Variants in FGGY observed in about 807,000 individuals in gnomAD.
The protein encoded by FGGY is FGGY carbohydrate kinase domain containing.
Under a neutral mutation model 71.3 loss-of-function variants are expected in FGGY, and 72 were observed. The ratio of observed to expected loss-of-function variants is 1.01; its 90% CI spans 0.84 to 1.23. The LOEUF is 1.23. FGGY is among the 50% of genes most tolerant of loss of function. The pLI is 0.00. For synonymous variants in FGGY, 251 were observed against 250.3 expected (o/e 1.00, Z -0.02); for missense variants, 668 against 682.3 (o/e 0.98, Z 0.23).
chr1:59,502,188 C>T (rs1423814385), intron 6 of FGGY, among the ~76,000 whole-genome samples: 1 of 152,340 alleles, frequency 6.6e-6, no homozygotes, highest in African/African-American at 2.4e-5. Flanking sequence ...CACCCCCTAA[C>T]CTGAACTCCC....
chr1:59,374,978 G>T (rs954923511), intron 4 of FGGY, among the ~76,000 whole-genome samples: 1 of 151,258 alleles, frequency 6.6e-6, no homozygotes, highest in African/African-American at 2.4e-5. Context: ...TGACGAGTTA[G>T]TGGGTGCAGC....
At chr1:59,317,712 G>C (rs1176332467) in intron 1 of FGGY, among the ~76,000 whole-genome samples, 1 of 152,140 alleles carries the variant, frequency 6.6e-6, no homozygotes, top group East Asian at 1.9e-4. Flanking sequence ...TCAGGTTCCA[G>C]GTATGGAAAT....
chr1:59,646,171 G>T (rs553011476), intron 11 of FGGY, among the ~76,000 whole-genome samples: 5 of 152,304 alleles, frequency 3.3e-5, no homozygotes, highest in African/African-American at 4.8e-5. Context: ...TGGCTTTTCC[G>T]ATAGGGAGAT....
At position 59,401,715 on chromosome 1, in the gene FGGY, C is replaced by T. The variant is rs56073125; in HGVS notation, c.554+22878C>T. ...TTGTAAGCCACTCAACAAGTATTGG[C>T]CAGTTAAACTAATGAATTCCCTCAA... On this transcript the variant is annotated intron_variant, in intron 5 of 15. Coordinates refer to ENST00000303721, the MANE Select transcript of FGGY (RefSeq NM_018291.5). Among the ~76,000 whole-genome samples the T allele has an allele frequency of 2.7e-3, 415 of 152,256 alleles. 1 individual carries two copies. The highest frequency in any genetic ancestry group is 9.7e-3 in the African/African-American group (402 of 41,550).
intron 14 of FGGY, among the ~76,000 whole-genome samples, chr1:59,683,426 C>G (rs569046205): frequency 6.6e-6 from 1 of 152,278 alleles, no homozygotes; most frequent in East Asian, 1.9e-4. Context: ...AGACCTATGA[C>G]TATGTTCTGT....
chr1:59,606,207 T>C (rs1273480983), intron 8 of FGGY, among the ~76,000 whole-genome samples: 1 of 152,218 alleles, frequency 6.6e-6, no homozygotes, highest in Non-Finnish European at 1.5e-5. Context: ...AGCACCTCTC[T>C]TACCCACATG....
At chr1:59,397,172 T>C (rs1333445284) in intron 5 of FGGY, among the ~76,000 whole-genome samples, 1 of 152,152 alleles carries the variant, frequency 6.6e-6, no homozygotes, top group African/African-American at 2.4e-5. Flanking sequence ...GATGCAACTG[T>C]CAGAGATACA....
intron 7 of FGGY, among the ~76,000 whole-genome samples, chr1:59,519,433 T>A (rs1158229486): frequency 6.6e-6 from 1 of 152,162 alleles, no homozygotes; most frequent in Non-Finnish European, 1.5e-5. Context: ...ATGGAAGGCT[T>A]TGGAAAAACA....
In FGGY at chr1:59,554,063, C is replaced by T. The variant is rs2095648163; in HGVS notation, c.800-61C>T. On this transcript the variant is annotated intron_variant, in intron 7 of 15. Transcript: ENST00000303721. ...AAGATTTGTTAATGCTTGTTTTTAG[C>T]TTTCTCTCCCTCTTTTTTTATGTGT... 3 of 1,307,268 alleles carry T rather than the reference C, an allele frequency of 2.3e-6. No homozygotes were observed. In the South Asian group the frequency reaches 4.0e-5, roughly 17 times the overall value. 81.0% of individuals were successfully genotyped at this position (1,307,268 alleles called of 1,614,324 possible).
Position 59,699,746 on chromosome 1 carries a change from C to T in FGGY, c.1512+25613C>T, listed in dbSNP as rs111817685. ...CATATTTATTAACATGTTTAATTCT[C>T]GTTCTTATTTGCAACAGTTTGCCTG... On this transcript the variant is annotated intron_variant, in intron 14 of 15. Coordinates refer to ENST00000303721, the MANE Select transcript of FGGY (RefSeq NM_018291.5). Among the ~76,000 whole-genome samples, 234 of 152,318 alleles carry T rather than the reference C, an allele frequency of 1.5e-3. 1 individual carries two copies. Among genetic ancestry groups the T allele is most frequent in the African/African-American group, 5.4e-3 (224 of 41,574 alleles).
intron 5 of FGGY, among the ~76,000 whole-genome samples, chr1:59,450,705 A>G (rs778610300): frequency 1.3e-5 from 2 of 152,094 alleles, no homozygotes; most frequent in African/African-American, 4.8e-5. Flanking sequence ...CTCTTGTTTC[A>G]TATATTTCAT....
chr1:59,534,868 T>A (rs1265322612), intron 7 of FGGY, among the ~76,000 whole-genome samples: 1 of 152,092 alleles, frequency 6.6e-6, no homozygotes, highest in African/African-American at 2.4e-5. Flanking sequence ...TACCAGCCAC[T>A]GCAAAATCAT....
At chr1:59,388,696 T>A (rs940158338) in intron 5 of FGGY, among the ~76,000 whole-genome samples, 23 of 152,294 alleles carry the variant, frequency 1.5e-4, no homozygotes, top group African/African-American at 5.5e-4. Context: ...ATAATTCACA[T>A]ACTATATGAT....
At position 59,625,836 on chromosome 1, in the gene FGGY, G is replaced by T. The variant is rs568237662; in HGVS notation, c.1012-152G>T. ...AATCAAAGCTAAATTTCTTTTAGCTGAGGCACTCTTGCTACATTGGCATTT... is the reference window on the plus strand; with the variant it reads ...AATCAAAGCTAAATTTCTTTTAGCTTAGGCACTCTTGCTACATTGGCATTT... On this transcript the variant is annotated intron_variant, in intron 9 of 15. Coordinates refer to ENST00000303721, the MANE Select transcript of FGGY (RefSeq NM_018291.5). 3.9e-5 allele frequency: 19 copies of T among 488,946 alleles called. No individual in the cohort carries two copies. The South Asian group carries it at 1.1e-3, about 30-fold the overall frequency. The allele number at this position is 488,946 out of a possible 1,614,324, so 30.3% of individuals were successfully genotyped here. A position where few individuals can be genotyped will look rare whatever the true frequency, so the allele number is the denominator to read the frequency against.
At chr1:59,714,849 A>G (rs2097830994) in intron 14 of FGGY, among the ~76,000 whole-genome samples, 1 of 152,204 alleles carries the variant, frequency 6.6e-6, no homozygotes, top group Non-Finnish European at 1.5e-5. Flanking sequence ...TATTCCTTGT[A>G]TTTGACATAT....
intron 5 of FGGY, among the ~76,000 whole-genome samples, chr1:59,450,387 C>T (rs1338266869): frequency 2.1e-5 from 3 of 145,040 alleles, no homozygotes; most frequent in African/African-American, 8.6e-5. Context: ...AAATTTATGT[C>T]TGTTGTATTT....
At chr1:59,641,908 A>G (rs1301232957) in intron 11 of FGGY, among the ~76,000 whole-genome samples, 1 of 152,214 alleles carries the variant, frequency 6.6e-6, no homozygotes, top group African/African-American at 2.4e-5. Flanking sequence ...TGAAAACAGC[A>G]TAGCTATTCC....
intron 7 of FGGY, among the ~76,000 whole-genome samples, chr1:59,514,323 G>A (rs760215655): frequency 6.6e-6 from 1 of 152,220 alleles, no homozygotes; most frequent in Non-Finnish European, 1.5e-5. Flanking sequence ...GCTGCTTGAA[G>A]AGCCGCAGGC....
Position 59,751,535 on chromosome 1 carries a change from A to C in FGGY, c.1513-6396A>C, listed in dbSNP as rs551309824. ...AGTATTTCCAATGTGTTTACCTGTC[A>C]TGATGGCTTCATGCTAATATTAGCA... On this transcript the variant is annotated intron_variant, in intron 14 of 15. Transcript: ENST00000303721. 1.1e-3 allele frequency among the ~76,000 whole-genome samples: 165 copies of C among 152,256 alleles called. 1 individual carries two copies. Among genetic ancestry groups the C allele is most frequent in the Non-Finnish European group, 2.0e-3 (139 of 68,046 alleles).
Sources: gnomAD v4.1 joint callset for allele counts (sites outside exome capture counted in the v4.1 genomes callset) on GRCh38, gnomAD v4.1.1 for gene constraint, MANE v1.5 for transcripts, NCBI Gene and HGNC (gene_info 2026-07-23, HGNC 2026-07-21) for gene names.